The following HECW2 variants were observed in gnomAD, a reference collection of about 807,000 sequenced individuals.
The protein encoded by HECW2 is E3 ubiquitin-protein ligase HECW2.
HECW2 carries 61 observed loss-of-function variants against 175.2 expected under a neutral mutation model. That is an observed-to-expected ratio of 0.35 (90% CI 0.28 to 0.43). The LOEUF (loss-of-function observed/expected upper bound fraction) is 0.43. HECW2 is among the 20% of genes least tolerant of loss of function. The probability of loss-of-function intolerance (pLI) is 1.00; values close to 1 mark genes in which losing one functional copy is unlikely to be tolerated. For missense variants in HECW2, 1,524 were observed against 2,000.5 expected, an observed-to-expected ratio of 0.76 and a Z score of 4.54; for synonymous variants, 671 against 731.0, an observed-to-expected ratio of 0.92 and a Z score of 1.32.
chr2:196,366,042 G>A (rs1693734738), intron 2 of HECW2, among the ~76,000 whole-genome samples: 1 of 152,108 alleles, frequency 6.6e-6, no homozygotes, highest in African/African-American at 2.4e-5. Flanking sequence ...TAAATGTCAA[G>A]AATTACGCTC....
At chr2:196,287,410 A>C (rs1690432808) in intron 14 of HECW2, among the ~76,000 whole-genome samples, 1 of 152,206 alleles carries the variant, frequency 6.6e-6, no homozygotes, top group South Asian at 2.1e-4. Flanking sequence ...TAAAGTTCAA[A>C]GTTTCTTCGC....
At chr2:196,233,203 A>C (rs895940668) in intron 21 of HECW2, among the ~76,000 whole-genome samples, 1 of 152,138 alleles carries the variant, frequency 6.6e-6, no homozygotes, top group Non-Finnish European at 1.5e-5. Context: ...TTGGCACGGA[A>C]ATATAAAAAC....
At chr2:196,431,689 A>T (rs914201891) in intron 2 of HECW2, among the ~76,000 whole-genome samples, 124 of 152,220 alleles carry the variant, frequency 8.1e-4, no homozygotes, top group African/African-American at 2.9e-3. Context: ...TAATGATACA[A>T]ATGTAATTTT....
chr2:196,413,090 C>G (rs1382862024), intron 2 of HECW2, among the ~76,000 whole-genome samples: 1 of 152,196 alleles, frequency 6.6e-6, no homozygotes, highest in Non-Finnish European at 1.5e-5. Context: ...TGATAGCTCT[C>G]TCCTGTACTC....
At chr2:196,257,316 G>A (rs1271518036) in intron 18 of HECW2, among the ~76,000 whole-genome samples, 1 of 152,166 alleles carries the variant, frequency 6.6e-6, no homozygotes, top group Non-Finnish European at 1.5e-5. Context: ...GTTTTATGAA[G>A]GGCTATCAAG....
intron 14 of HECW2, chr2:196,290,238 T>C (rs1215619041): frequency 1.3e-5 from 2 of 152,240 alleles, no homozygotes; most frequent in Non-Finnish European, 2.9e-5. Flanking sequence ...ATGTTTTGTA[T>C]AGTCATGTTA....
At chr2:196,456,090 G>T (rs1399220838) in intron 1 of HECW2, among the ~76,000 whole-genome samples, 1 of 151,978 alleles carries the variant, frequency 6.6e-6, no homozygotes, top group Admixed American at 6.6e-5. Flanking sequence ...AGATATGAAG[G>T]TCTTTAATAT....
intron 2 of HECW2, among the ~76,000 whole-genome samples, chr2:196,352,215 C>T (rs1693194276): frequency 6.6e-6 from 1 of 152,138 alleles, no homozygotes; most frequent in South Asian, 2.1e-4. Context: ...ACAATCATGG[C>T]ACCACCAGGC....
At chr2:196,503,730 T>C (rs1687653047) in intron 1 of HECW2, among the ~76,000 whole-genome samples, 1 of 152,170 alleles carries the variant, frequency 6.6e-6, no homozygotes, top group Non-Finnish European at 1.5e-5. Context: ...GCAACTGATG[T>C]TTATTAAGAT....
intron 1 of HECW2, among the ~76,000 whole-genome samples, chr2:196,564,291 T>C (rs946587909): frequency 2.0e-5 from 3 of 152,186 alleles, no homozygotes; most frequent in African/African-American, 4.8e-5. Flanking sequence ...GACAATCAAA[T>C]GCAATGTGTG....
chr2:196,576,853 A>G (rs541856056), intron 1 of HECW2, among the ~76,000 whole-genome samples: 3 of 152,330 alleles, frequency 2.0e-5, no homozygotes, highest in Admixed American at 6.5e-5. Flanking sequence ...ATACCTCAAT[A>G]AAGCTGGAAA....
At chr2:196,497,175 C>T (rs1421022079) in intron 1 of HECW2, among the ~76,000 whole-genome samples, 1 of 152,154 alleles carries the variant, frequency 6.6e-6, no homozygotes, top group African/African-American at 2.4e-5. Flanking sequence ...AATATGCATG[C>T]TAAAAATGTT....
At position 196,308,214 on chromosome 2, in the gene HECW2, C is replaced by T. The variant is rs1691343702; in HGVS notation, c.2435-129G>A. The T allele has an allele frequency of 5.1e-6, 3 of 593,866 alleles. No homozygotes were observed. The African/African-American group carries it at 5.5e-5, about 11-fold the overall frequency. 36.8% of individuals were successfully genotyped at this position (593,866 alleles called of 1,614,324 possible). On this transcript the variant is annotated intron_variant, in intron 10 of 28. Transcript: ENST00000644978. The stretch of plus-strand genomic sequence containing the variant: ...TCTGAGACTAATAACATACATCTCA[C>T]TGCACTATCCCATACTTCTCCCCAG...
chr2:196,201,913 T>C (rs1306785341), intron 28 of HECW2, among the ~76,000 whole-genome samples: 2 of 152,222 alleles, frequency 1.3e-5, no homozygotes, highest in Non-Finnish European at 2.9e-5. Context: ...TGGCTGGACT[T>C]TTCTAAGTCA....
rs571312107 is a variant in HECW2, at chr2:196,308,074, G to A, written c.2446C>T (p.Arg816Cys). Reference sequence around the variant, plus strand: ...AAGATCCTGCCGTGGCTGTCAATGCGTGCCTCCCAGTCTAAATGGCAGTGA... The same window carrying A: ...AAGATCCTGCCGTGGCTGTCAATGCATGCCTCCCAGTCTAAATGGCAGTGA... ...DEALPPNWEA[R>C]IDSHGRIFYV... The change falls in exon 11 of 29, where the codon CGC (arginine) becomes TGC (cysteine). Residue 816 changes from arginine to cysteine, a missense_variant. Arg to Cys is a radical substitution (Grantham distance 180). This residue lies in a region of HECW2 where 82 missense variants were observed against 124.4 expected (regional missense o/e 0.66). Coordinates refer to ENST00000644978, the MANE Select transcript of HECW2 (RefSeq NM_001348768.2). 2.5e-6 allele frequency: 4 copies of A among 1,584,022 alleles called. No homozygotes were observed. Among genetic ancestry groups the A allele is most frequent in the South Asian group, 1.1e-5 (1 of 87,880 alleles).
intron 1 of HECW2, among the ~76,000 whole-genome samples, chr2:196,460,164 A>G (rs976300973): frequency 3.3e-5 from 5 of 152,154 alleles, no homozygotes; most frequent in African/African-American, 7.2e-5. Flanking sequence ...TCAGCTGACA[A>G]TGAGGCTGGA....
intron 1 of HECW2, among the ~76,000 whole-genome samples, chr2:196,567,349 A>T (rs904453035): frequency 6.6e-6 from 1 of 152,252 alleles, no homozygotes; most frequent in Non-Finnish European, 1.5e-5. Flanking sequence ...TGCCTATTAT[A>T]GCAGCTTAGC....
chr2:196,533,960 A>G (rs1290973358), intron 1 of HECW2, among the ~76,000 whole-genome samples: 1 of 152,174 alleles, frequency 6.6e-6, no homozygotes, highest in East Asian at 1.9e-4. Context: ...TGCTACTTTG[A>G]TACTGTTCAT....
chr2:196,341,567 T>C (rs1237688626), intron 3 of HECW2, among the ~76,000 whole-genome samples: 1 of 152,248 alleles, frequency 6.6e-6, no homozygotes, highest in South Asian at 2.1e-4. Context: ...ACCATCCTCA[T>C]TCACATGTTG....
Sources: gnomAD v4.1 joint callset for allele counts (sites outside exome capture counted in the v4.1 genomes callset) on GRCh38, gnomAD v4.1.1 for gene constraint, gnomAD v4.1.1 regional missense constraint, MANE v1.5 for transcripts, NCBI Gene and HGNC (gene_info 2026-07-23, HGNC 2026-07-21) for gene names.